ANXA8: variants seen among roughly 807,000 people sequenced by gnomAD.
ANXA8 encodes VAC-beta.
A neutral mutation model predicts 26.8 loss-of-function variants in ANXA8; 9 were observed. The ratio of observed to expected loss-of-function variants is 0.34; its 90% confidence interval spans 0.20 to 0.59. ANXA8 has a LOEUF of 0.59. Among genes scored for constraint, ANXA8 ranks in the 20% least tolerant of loss-of-function variants. ANXA8 has a pLI of 0.84. For synonymous variants in ANXA8, 39 were observed against 94.8 expected (o/e 0.41, Z 3.42); for missense variants, 83 against 238.5 (o/e 0.35, Z 4.29).
the ANXA8 span, among the ~76,000 whole-genome samples, chr10:47,696,094 T>C: frequency 1.3e-5 from 2 of 151,862 alleles, no homozygotes; most frequent in African/African-American, 4.8e-5. Context: ...TTATTTTTGA[T>C]GTATCAGAAA....
At chr10:47,975,588 G>T in the ANXA8 span, among the ~76,000 whole-genome samples, 1 of 148,554 alleles carries the variant, frequency 6.7e-6, no homozygotes, top group Non-Finnish European at 1.5e-5. Flanking sequence ...GAGCATTTAG[G>T]TGACTTAGTC....
chr10:47,508,031 A>C, the ANXA8 span, among the ~76,000 whole-genome samples: 1 of 129,730 alleles, frequency 7.7e-6, no homozygotes, highest in Non-Finnish European at 1.6e-5. Context: ...AGAAGCTGGG[A>C]CTACAAGTTT....
At chr10:47,966,440 G>A in the ANXA8 span, among the ~76,000 whole-genome samples, 1 of 150,788 alleles carries the variant, frequency 6.6e-6, no homozygotes, top group Non-Finnish European at 1.5e-5. Flanking sequence ...TGGGGAATCT[G>A]ACTCTGAATA....
chr10:47,946,408 G>A, the ANXA8 span, among the ~76,000 whole-genome samples: 3 of 150,598 alleles, frequency 2.0e-5, no homozygotes, highest in Admixed American at 1.3e-4. Context: ...ACATCTCTGA[G>A]GGCAGAGATA....
At chr10:47,483,218 C>T (rs1325125867) in intron 1 of ANXA8, among the ~76,000 whole-genome samples, 3 of 150,412 alleles carry the variant, frequency 2.0e-5, no homozygotes, top group African/African-American at 7.4e-5. Context: ...CTCCTGCTTC[C>T]CCTCTTCCCT....
the ANXA8 span, among the ~76,000 whole-genome samples, chr10:47,596,953 C>G: frequency 6.8e-6 from 1 of 147,852 alleles, no homozygotes; most frequent in Admixed American, 6.6e-5. Flanking sequence ...AATACTCACA[C>G]AAAAAACAAA....
chr10:47,469,195 G>A (rs1839225759), intron 11 of ANXA8, among the ~76,000 whole-genome samples: 1 of 148,102 alleles, frequency 6.8e-6, no homozygotes, highest in African/African-American at 2.5e-5. Flanking sequence ...AGCTGTCCCA[G>A]GGTTCTTCTA....
chr10:47,572,715 C>A, the ANXA8 span, among the ~76,000 whole-genome samples: 2 of 122,092 alleles, frequency 1.6e-5, no homozygotes, highest in African/African-American at 3.1e-5. Context: ...GAAACTCCGT[C>A]TCAAAAATAT....
chr10:47,957,925 A>C, the ANXA8 span, among the ~76,000 whole-genome samples: 1 of 150,494 alleles, frequency 6.6e-6, no homozygotes, highest in Non-Finnish European at 1.5e-5. Context: ...ATAAGAAGAC[A>C]AACAACTTAA....
At chr10:47,772,128 G>T in the ANXA8 span, among the ~76,000 whole-genome samples, 4 of 151,440 alleles carry the variant, frequency 2.6e-5, no homozygotes, top group South Asian at 2.1e-4. Flanking sequence ...AAGTGACAGT[G>T]GTGTCAGAAT....
chr10:47,755,389 G>A, the ANXA8 span, among the ~76,000 whole-genome samples: 1 of 152,306 alleles, frequency 6.6e-6, no homozygotes, highest in South Asian at 2.1e-4. Flanking sequence ...CCAAGTAGCT[G>A]GGACTACAGG....
the ANXA8 span, among the ~76,000 whole-genome samples, chr10:47,955,577 C>A: frequency 6.7e-6 from 1 of 149,430 alleles, no homozygotes; most frequent in African/African-American, 2.5e-5. Context: ...CCAAACATAG[C>A]TAAACATAGG....
At chr10:47,577,037 GT>G in the ANXA8 span, among the ~76,000 whole-genome samples, 1 of 146,150 alleles carries the variant, frequency 6.8e-6, no homozygotes, top group South Asian at 2.2e-4. Flanking sequence ...AAGACTAACA[GT>G]TGCTTATCAG....
the ANXA8 span, among the ~76,000 whole-genome samples, chr10:47,525,929 C>T: frequency 1.8e-4 from 24 of 133,174 alleles, 4 homozygotes; most frequent in Admixed American, 6.2e-4. Context: ...CTCAGCCTCC[C>T]GAGTAGCTGG....
the ANXA8 span, among the ~76,000 whole-genome samples, chr10:47,676,984 G>T: frequency 1.2e-5 from 1 of 84,914 alleles, no homozygotes; most frequent in Non-Finnish European, 2.0e-5. Flanking sequence ...CATCCATAAA[G>T]AGCTGAAAGA....
the ANXA8 span, among the ~76,000 whole-genome samples, chr10:47,707,223 C>T: frequency 7.0e-6 from 1 of 142,586 alleles, no homozygotes; most frequent in African/African-American, 2.4e-5. Flanking sequence ...CTCATTTTAC[C>T]AATTTGGTTT....
the ANXA8 span, among the ~76,000 whole-genome samples, chr10:47,573,362 C>T: frequency 1.3e-5 from 2 of 149,652 alleles, no homozygotes; most frequent in Middle Eastern, 6.8e-3. Flanking sequence ...AATTCCTGGG[C>T]TCGAGCCATC....
chr10:47,534,186 GC>G, the ANXA8 span, among the ~76,000 whole-genome samples: 1 of 106,222 alleles, frequency 9.4e-6, no homozygotes, highest in Non-Finnish European at 1.8e-5. Context: ...AAAGCCTCCT[GC>G]CCCTCTGATC....
the ANXA8 span, among the ~76,000 whole-genome samples, chr10:47,649,214 C>T: frequency 0.014 from 2,112 of 149,074 alleles, 70 homozygotes; most frequent in African/African-American, 0.05. Flanking sequence ...AATTTTCAAA[C>T]ATGTTATTGC....
Sources: allele counts gnomAD v4.1 joint callset (sites outside exome capture counted in the v4.1 genomes callset), GRCh38; gene constraint gnomAD v4.1.1; transcripts MANE v1.5; gene names NCBI Gene and HGNC (gene_info 2026-07-23, HGNC 2026-07-21).